SIRPG: variants seen among roughly 807,000 people sequenced by gnomAD.
SIRPG encodes the protein signal regulatory protein gamma.
SIRPG carries 38 observed loss-of-function variants against 35.7 expected under a neutral mutation model. The ratio of observed to expected loss-of-function variants is 1.06; its 90% CI spans 0.82 to 1.40. The LOEUF (loss-of-function observed/expected upper bound fraction) is 1.40. SIRPG is among the 40% of genes most tolerant of loss of function. The probability of loss-of-function intolerance (pLI) is 0.00; values close to 1 mark genes in which losing one functional copy is unlikely to be tolerated. For missense variants in SIRPG, 519 were observed against 483.0 expected (o/e 1.07, Z -0.70); for synonymous variants, 215 against 190.4 (o/e 1.13, Z -1.06).
At chr20:1,679,405 C>T in the SIRPG span, among the ~76,000 whole-genome samples, 1 of 152,140 alleles carries the variant, frequency 6.6e-6, no homozygotes, top group African/African-American at 2.4e-5. Context: ...CCCTTTTTGT[C>T]CTCCTCTGCT....
At chr20:1,680,178 T>G in the SIRPG span, among the ~76,000 whole-genome samples, 1 of 152,164 alleles carries the variant, frequency 6.6e-6, no homozygotes, top group Non-Finnish European at 1.5e-5. Context: ...AAATACCTCT[T>G]CTCTATAAAA....
Position 1,636,180 on chromosome 20 carries a change from T to C in SIRPG, c.748+8A>G, listed in dbSNP as rs2091798839. 1 of 1,613,654 alleles carries C rather than the reference T, an allele frequency of 6.2e-7. No individual in the cohort carries two copies. The highest frequency in any genetic ancestry group is 2.2e-5 in the East Asian group (1 of 44,844). On this transcript the variant is annotated splice_region_variant and intron_variant, in intron 3 of 5. Coordinates refer to ENST00000303415, the MANE Select transcript of SIRPG (RefSeq NM_018556.4). ...TGTGGGCTTGGGCTGGGTGTGAGGG[T>C]CCTCTACCTCGGATGGCCTCAGACA...
At chr20:1,660,160 C>T (rs2091992465), upstream of SIRPG, among the ~76,000 whole-genome samples, 1 of 152,060 alleles carries the variant, frequency 6.6e-6, no homozygotes, top group Non-Finnish European at 1.5e-5. Flanking sequence ...GAGGTAACAA[C>T]AACCATCTTG....
chr20:1,657,765 G>C lies in SIRPG; in HGVS notation c.-51C>G. ...GTTCAAACGTCTGTTCTGGGGAGAT[G>C]TCAGGCCCTGCTCTGAAGACAGAAG... On this transcript the variant is annotated 5_prime_UTR_variant, in exon 1 of 6. Coordinates refer to ENST00000303415, the MANE Select transcript of SIRPG (RefSeq NM_018556.4). The C allele has an allele frequency of 6.5e-7, 1 of 1,540,854 alleles. No homozygotes were observed. Among genetic ancestry groups the C allele is most frequent in the Non-Finnish European group, 8.9e-7 (1 of 1,118,784 alleles).
chr20:1,650,859 T>C (rs1285994940), intron 1 of SIRPG, among the ~76,000 whole-genome samples: 16 of 152,132 alleles, frequency 1.1e-4, no homozygotes, highest in Admixed American at 9.8e-4. Context: ...CTGAAAGCAG[T>C]GGGAGAGAAA....
Position 1,630,315 on chromosome 20 carries a change from C to A in SIRPG, c.1082-9G>T. 1 of 1,552,846 alleles carries A rather than the reference C, an allele frequency of 6.4e-7. No homozygotes were observed. The highest frequency in any genetic ancestry group is 2.0e-4 in the Middle Eastern group (1 of 4,986). On this transcript the variant is annotated splice_polypyrimidine_tract_variant and intron_variant, in intron 4 of 5. Coordinates refer to ENST00000303415, the MANE Select transcript of SIRPG (RefSeq NM_018556.4). ...AAGGGATGATGCCGGGCCTGGAAATCAGGGAAGACGAGGGGCTATGAGAGA... is the reference window on the plus strand; with the variant it reads ...AAGGGATGATGCCGGGCCTGGAAATAAGGGAAGACGAGGGGCTATGAGAGA...
chr20:1,635,116 T>C lies in SIRPG; in HGVS notation c.1081+151A>G, dbSNP rs559588032. On this transcript the variant is annotated intron_variant, in intron 4 of 5. Coordinates refer to ENST00000303415, the MANE Select transcript of SIRPG (RefSeq NM_018556.4). ...TTGTGCATCAAATTCTTACTAGTCATGACTCTTCGCATGTGGGATTTGGGG... is the reference window on the plus strand; with the variant it reads ...TTGTGCATCAAATTCTTACTAGTCACGACTCTTCGCATGTGGGATTTGGGG... The C allele has an allele frequency of 1.1e-5, 7 of 613,762 alleles. No homozygotes were observed. The Admixed American group carries it at 2.1e-4, about 18-fold the overall frequency. The allele number at this position is 613,762 out of a possible 1,614,324, so 38.0% of individuals were successfully genotyped here.
upstream of SIRPG, among the ~76,000 whole-genome samples, chr20:1,659,066 A>G (rs2091989015): frequency 6.6e-6 from 1 of 152,240 alleles, no homozygotes; most frequent in African/African-American, 2.4e-5. Flanking sequence ...TGGTAGGAAT[A>G]ATATAAGCCA....
chr20:1,635,341 T>A lies in SIRPG; in HGVS notation c.1007A>T (p.Gln336Leu). 6.2e-7 allele frequency: 1 copy of A among 1,614,220 alleles called. No individual in the cohort carries two copies. Among genetic ancestry groups the A allele is most frequent in the Non-Finnish European group, 8.5e-7 (1 of 1,180,026 alleles). Residue 336 changes from glutamine (Q) to leucine (L), a missense_variant, in exon 4 of 6, where the codon CAG (glutamine) becomes CTG (leucine). By Grantham distance (113) the Gln-to-Leu change is moderately radical. Coordinates refer to ENST00000303415, the MANE Select transcript of SIRPG (RefSeq NM_018556.4). ...GGCAAGGCGTTTGCTGACCGCCAGC[T>A]GCCCATCATGCTTCACCTGGCAGGT... ...VLTCQVKHDG[Q>L]LAVSKRLALE...
intron 2 of SIRPG, chr20:1,647,680 T>A (rs1370210121): frequency 1.3e-5 from 2 of 152,222 alleles, no homozygotes; most frequent in Non-Finnish European, 2.9e-5. Context: ...TAAATTTTGA[T>A]ATTTCCATAA....
chr20:1,666,842 A>T, the SIRPG span, among the ~76,000 whole-genome samples: 9 of 152,252 alleles, frequency 5.9e-5, no homozygotes, highest in South Asian at 2.1e-4. Flanking sequence ...AAATATTTTT[A>T]AAAAAATTAT....
chr20:1,658,680 G>A (rs554748746), upstream of SIRPG, among the ~76,000 whole-genome samples: 10 of 152,198 alleles, frequency 6.6e-5, no homozygotes, highest in South Asian at 1.2e-3. Context: ...TTTTAGTGAC[G>A]ATTAAAGAGG....
the SIRPG span, among the ~76,000 whole-genome samples, chr20:1,680,252 C>G: frequency 6.6e-6 from 1 of 152,122 alleles, no homozygotes; most frequent in Admixed American, 6.5e-5. Context: ...CATGAATTTC[C>G]CCAGGGCTTT....
intron 1 of SIRPG, among the ~76,000 whole-genome samples, chr20:1,654,888 C>T (rs892032086): frequency 6.6e-6 from 1 of 152,090 alleles, no homozygotes; most frequent in African/African-American, 2.4e-5. Context: ...ATAGACATTT[C>T]TCAGAAGAAG....
At chr20:1,632,586 A>C (rs1394578478) in intron 4 of SIRPG, among the ~76,000 whole-genome samples, 1 of 152,156 alleles carries the variant, frequency 6.6e-6, no homozygotes, top group African/African-American at 2.4e-5. Flanking sequence ...TCCAGTCTTG[A>C]TGGTGCAGTT....
intron 2 of SIRPG, among the ~76,000 whole-genome samples, chr20:1,645,056 G>A (rs2091887588): frequency 6.6e-6 from 1 of 152,120 alleles, no homozygotes; most frequent in South Asian, 2.1e-4. Flanking sequence ...GAGGAGTACT[G>A]GGATTTCAAT....
In SIRPG at chr20:1,657,691, G is replaced by A. The variant is rs1326384035; in HGVS notation, c.24C>T (p.Pro8=). The A allele has an allele frequency of 6.2e-7, 1 of 1,614,074 alleles. No individual in the cohort carries two copies. Among genetic ancestry groups the A allele is most frequent in the African/African-American group, 1.3e-5 (1 of 74,926 alleles). The change falls in exon 1 of 6, where the codon CCC becomes CCT. Residue 8 remains proline (P), a synonymous_variant. Coordinates refer to ENST00000303415, the MANE Select transcript of SIRPG (RefSeq NM_018556.4). ...GAAGCAGGAAAGGACCAGGAGGATG[G>A]GGCCAGGAGGCTGGGACAGGCATTT... MPVPASW[P]HPPGPFLLLT... is the part of the protein sequence containing the mutation.
At chr20:1,636,705 T>G (rs1295137525) in intron 2 of SIRPG, among the ~76,000 whole-genome samples, 200 bp from the exon 3 acceptor site, 1 of 152,116 alleles carries the variant, frequency 6.6e-6, no homozygotes, top group African/African-American at 2.4e-5. Flanking sequence ...GGTCAGACAG[T>G]GTAGGGAAAG....
chr20:1,673,218 G>A, the SIRPG span, among the ~76,000 whole-genome samples: 2 of 152,168 alleles, frequency 1.3e-5, no homozygotes, highest in African/African-American at 4.8e-5. Context: ...CCAGCATGGC[G>A]ACCCTAACGG....
Sources: gnomAD v4.1 joint callset for allele counts (sites outside exome capture counted in the v4.1 genomes callset) on GRCh38, gnomAD v4.1.1 for gene constraint, MANE v1.5 for transcripts, NCBI Gene and HGNC (gene_info 2026-07-23, HGNC 2026-07-21) for gene names.